The following ENOX1 variants were observed in gnomAD, a reference collection of about 807,000 sequenced individuals.
ENOX1 encodes ecto-NOX disulfide-thiol exchanger 1, also known as candidate growth-related and time keeping constitutive hydroquinone (NADH) oxidase.
Under a neutral mutation model 82.5 loss-of-function variants are expected in ENOX1, and 42 were observed. The ratio of observed to expected loss-of-function variants is 0.51; its 90% CI spans 0.40 to 0.66. The LOEUF is 0.66. ENOX1 is among the 30% of genes least tolerant of loss of function. The pLI is 0.00. For missense variants in ENOX1, 608 were observed against 811.6 expected (o/e 0.75, Z 3.05); for synonymous variants, 271 against 282.2 (o/e 0.96, Z 0.40).
At chr13:43,508,092 T>C (rs1020224100) in intron 2 of ENOX1, among the ~76,000 whole-genome samples, 2 of 151,962 alleles carry the variant, frequency 1.3e-5, no homozygotes, top group Non-Finnish European at 2.9e-5. Context: ...ATTGTTATGG[T>C]CTGAACTTGT....
At chr13:43,381,369 T>G (rs537011939) in intron 5 of ENOX1, among the ~76,000 whole-genome samples, 2 of 151,286 alleles carry the variant, frequency 1.3e-5, no homozygotes. Flanking sequence ...TAAAATTTCA[T>G]GATATGCAGC....
intron 3 of ENOX1, among the ~76,000 whole-genome samples, chr13:43,483,554 C>T (rs879447679): frequency 6.6e-6 from 1 of 152,100 alleles, no homozygotes; most frequent in Non-Finnish European, 1.5e-5. Flanking sequence ...TGAAAACATT[C>T]AGGGCACTGA....
intron 2 of ENOX1, among the ~76,000 whole-genome samples, chr13:43,606,349 A>G (rs559064349): frequency 8.5e-5 from 13 of 152,324 alleles, no homozygotes; most frequent in African/African-American, 2.9e-4. Flanking sequence ...TCAAAGAGAT[A>G]TCTGCACTCT....
intron 2 of ENOX1, among the ~76,000 whole-genome samples, chr13:43,634,518 G>A (rs1289118213): frequency 6.6e-6 from 1 of 152,174 alleles, no homozygotes; most frequent in Non-Finnish European, 1.5e-5. Flanking sequence ...TAGAGAAGGA[G>A]CTCTGCAACA....
intron 2 of ENOX1, among the ~76,000 whole-genome samples, chr13:43,573,344 C>G (rs1256580411): frequency 1.3e-5 from 2 of 152,122 alleles, no homozygotes; most frequent in Non-Finnish European, 1.5e-5. Context: ...AACCCACATG[C>G]CCTTATTCCC....
intron 1 of ENOX1, among the ~76,000 whole-genome samples, chr13:43,730,728 ACT>A (rs2089290597): frequency 6.6e-6 from 1 of 152,064 alleles, no homozygotes; most frequent in African/African-American, 2.4e-5. Flanking sequence ...GCCCAGCCTC[ACT>A]GTCATGACGC....
intron 3 of ENOX1, among the ~76,000 whole-genome samples, chr13:43,439,692 A>G (rs531956797): frequency 1.2e-4 from 18 of 152,272 alleles, no homozygotes; most frequent in East Asian, 3.9e-4. Flanking sequence ...GTGCTTTTAC[A>G]TATTTTTCAT....
chr13:43,645,315 C>T (rs1054044041), intron 2 of ENOX1, among the ~76,000 whole-genome samples: 10 of 152,046 alleles, frequency 6.6e-5, no homozygotes, highest in South Asian at 2.1e-4. Flanking sequence ...GTGCATGCCA[C>T]GATGTCCAGT....
At chr13:43,777,491 T>G (rs2153837847) in intron 1 of ENOX1, among the ~76,000 whole-genome samples, 1 of 152,226 alleles carries the variant, frequency 6.6e-6, no homozygotes, top group East Asian at 1.9e-4. Context: ...CACTATAGTT[T>G]TATAAGATGT....
intron 2 of ENOX1, among the ~76,000 whole-genome samples, chr13:43,489,254 C>A (rs1158934519): frequency 6.6e-6 from 1 of 152,098 alleles, no homozygotes; most frequent in Non-Finnish European, 1.5e-5. Flanking sequence ...CCTGGGGGAT[C>A]TGGGGACTCA....
chr13:43,369,589 G>C (rs1051534593), intron 5 of ENOX1, among the ~76,000 whole-genome samples: 3 of 152,188 alleles, frequency 2.0e-5, no homozygotes, highest in African/African-American at 7.2e-5. Flanking sequence ...TTGTCTGTCT[G>C]CAGAAGGATA....
intron 1 of ENOX1, among the ~76,000 whole-genome samples, chr13:43,743,487 G>C (rs185931427): frequency 1.3e-5 from 2 of 152,098 alleles, no homozygotes; most frequent in African/African-American, 2.4e-5. Flanking sequence ...CAGCCCAGGG[G>C]GTTCTCAGGT....
chr13:43,603,563 G>C (rs1262050100), intron 2 of ENOX1, among the ~76,000 whole-genome samples: 2 of 142,194 alleles, frequency 1.4e-5, no homozygotes, highest in African/African-American at 5.6e-5. Flanking sequence ...ACAGGCCCTG[G>C]TGTGTGATGT....
chr13:43,254,944 T>C (rs1420620398), intron 14 of ENOX1, among the ~76,000 whole-genome samples: 1 of 152,114 alleles, frequency 6.6e-6, no homozygotes, highest in Non-Finnish European at 1.5e-5. Context: ...ACTGCTGAAT[T>C]CTACCACATA....
At chr13:43,337,375 A>C (rs1353639757) in intron 9 of ENOX1, among the ~76,000 whole-genome samples, 1 of 152,246 alleles carries the variant, frequency 6.6e-6, no homozygotes, top group African/African-American at 2.4e-5. Flanking sequence ...AAACAAACCA[A>C]TAAACTTGAT....
intron 1 of ENOX1, among the ~76,000 whole-genome samples, chr13:43,717,947 G>C (rs1028760676): frequency 6.6e-6 from 1 of 152,290 alleles, no homozygotes; most frequent in Non-Finnish European, 1.5e-5. Context: ...ATACAAACTA[G>C]TTCAGTCACT....
chr13:43,768,486 G>A (rs1272952368), intron 1 of ENOX1, among the ~76,000 whole-genome samples: 1 of 152,110 alleles, frequency 6.6e-6, no homozygotes, highest in African/African-American at 2.4e-5. Flanking sequence ...CCCAGGCATG[G>A]TGGCACATGC....
intron 1 of ENOX1, among the ~76,000 whole-genome samples, chr13:43,671,643 T>G (rs1224134796): frequency 6.6e-6 from 1 of 152,136 alleles, no homozygotes; most frequent in Non-Finnish European, 1.5e-5. Context: ...CACTACGATT[T>G]CCGAGGCAAG....
chr13:43,446,376 T>C (rs2056650543), intron 3 of ENOX1, among the ~76,000 whole-genome samples: 1 of 152,116 alleles, frequency 6.6e-6, no homozygotes, highest in South Asian at 2.1e-4. Context: ...TCCATCTCAC[T>C]GCCTATTGCT....
Sources: gnomAD v4.1 joint callset for allele counts (sites outside exome capture counted in the v4.1 genomes callset) on GRCh38, gnomAD v4.1.1 for gene constraint, MANE v1.5 for transcripts, NCBI Gene and HGNC (gene_info 2026-07-23, HGNC 2026-07-21) for gene names.